The following HSPB8 variants were observed in gnomAD, a reference collection of about 807,000 sequenced individuals.
HSPB8 encodes the protein heat shock protein beta-8.
Under a neutral mutation model 16.5 loss-of-function variants are expected in HSPB8, and 9 were observed. The observed-to-expected ratio is 0.55, with a 90% CI of 0.33 to 0.95. HSPB8 has a LOEUF of 0.95. Ranked by LOEUF, HSPB8 falls within the 40% of genes least tolerant of loss-of-function variation. The pLI, the probability that HSPB8 is intolerant of heterozygous loss-of-function variation, is 0.03. For missense variants in HSPB8, 238 were observed against 251.2 expected, an observed-to-expected ratio of 0.95 and a Z score of 0.35; for synonymous variants, 99 against 94.8, an observed-to-expected ratio of 1.04 and a Z score of -0.26.
chr12:119,179,299 G>T lies in HSPB8; in HGVS notation c.-14G>T. The T allele has an allele frequency of 6.2e-7, 1 of 1,613,146 alleles. No individual in the cohort carries two copies. Among genetic ancestry groups the T allele is most frequent in the Non-Finnish European group, 8.5e-7 (1 of 1,179,966 alleles). ...TCTCTGAGCCTCTGTTTCTCTCTGA[G>T]CTGAGCAGCCACCATGGCTGACGGT... On this transcript the variant is annotated 5_prime_UTR_variant, in exon 1 of 3. Transcript: ENST00000281938.
chr12:119,192,945 A>G (rs573456121), intron 2 of HSPB8, among the ~76,000 whole-genome samples: 1 of 152,214 alleles, frequency 6.6e-6, no homozygotes, highest in East Asian at 1.9e-4. Context: ...TGAGAACAGT[A>G]TGGAGGAAAC....
intron 2 of HSPB8, among the ~76,000 whole-genome samples, chr12:119,191,115 G>C (rs1327006084): frequency 6.6e-6 from 1 of 152,188 alleles, no homozygotes; most frequent in Admixed American, 6.5e-5. Flanking sequence ...CCATCTTGCT[G>C]TCAAGATGCC....
At chr12:119,184,401 G>A (rs902120539) in intron 1 of HSPB8, among the ~76,000 whole-genome samples, 2 of 152,200 alleles carry the variant, frequency 1.3e-5, no homozygotes, top group African/African-American at 4.8e-5. Flanking sequence ...ACACCAGCAT[G>A]CAGGAGGATT....
At chr12:119,186,764 C>G in intron 1 of HSPB8, 1 of 487,960 alleles carries the variant, frequency 2.0e-6, no homozygotes, top group Non-Finnish European at 3.7e-6. Context: ...CTCAGACTAA[C>G]CCTTAATTAA....
chr12:119,194,397 A>G lies in HSPB8; in HGVS notation c.*539A>G. ...GAATTTATCCATCAACCACATAAAAACAAACAGTGCCTTCTGCCCTCTGCC... is the reference window on the plus strand; with the variant it reads ...GAATTTATCCATCAACCACATAAAAGCAAACAGTGCCTTCTGCCCTCTGCC... On this transcript the variant is annotated 3_prime_UTR_variant, in exon 3 of 3. Coordinates refer to ENST00000281938, the MANE Select transcript of HSPB8 (RefSeq NM_014365.3). 1 of 197,354 alleles carries G rather than the reference A, an allele frequency of 5.1e-6. No individual in the cohort carries two copies. Among genetic ancestry groups the G allele is most frequent in the Non-Finnish European group, 1.0e-5 (1 of 96,116 alleles). 12.2% of individuals were successfully genotyped at this position (197,354 alleles called of 1,614,324 possible).
intron 1 of HSPB8, among the ~76,000 whole-genome samples, chr12:119,181,292 A>G (rs1241162577): frequency 6.6e-6 from 1 of 152,188 alleles, no homozygotes; most frequent in Admixed American, 6.5e-5. Flanking sequence ...TTTTAGAGAG[A>G]CATGAGACAT....
At position 119,179,407 on chromosome 12, in the gene HSPB8, A is replaced by T; in HGVS notation, c.95A>T (p.Asp32Val). The T allele has an allele frequency of 6.2e-7, 1 of 1,614,010 alleles. No individual in the cohort carries two copies. The highest frequency in any genetic ancestry group is 8.5e-7 in the Non-Finnish European group (1 of 1,180,000). Reference sequence around the variant, plus strand: ...TCTCCCCTCTCCTCTCGCCTGCTGGATGATGGCTTTGGCATGGACCCCTTC... The same window carrying T: ...TCTCCCCTCTCCTCTCGCCTGCTGGTTGATGGCTTTGGCATGGACCCCTTC... ...RDSPLSSRLL[D>V]DGFGMDPFPD... is the part of the protein sequence containing the mutation. Residue 32 changes from aspartate (D) to valine (V), a missense_variant, in exon 1 of 3, where the codon GAT becomes GTT. Transcript: ENST00000281938.
intron 1 of HSPB8, 55 bp from the exon 2 acceptor site, chr12:119,186,970 T>C (rs1954679976): frequency 6.4e-7 from 1 of 1,564,508 alleles, no homozygotes. Flanking sequence ...GCCTCAGTCC[T>C]GAAGGATGCC....
chr12:119,179,097 T>A lies in HSPB8; in HGVS notation c.-216T>A. 1.6e-6 allele frequency: 1 copy of A among 626,024 alleles called. No individual in the cohort carries two copies. The highest frequency in any genetic ancestry group is 2.4e-5 in the Admixed American group (1 of 41,918). The allele number at this position is 626,024 out of a possible 1,614,324, so 38.8% of individuals were successfully genotyped here. ...GGACGGGGACCCTCTGGGATTCTGC[T>A]GGATCTGCCCCGGGGGTTACCTTTG... is the stretch of plus-strand genomic sequence containing the variant. On this transcript the variant is annotated 5_prime_UTR_variant, in exon 1 of 3. Transcript: ENST00000281938.
rs1427416227 is a variant in HSPB8, at chr12:119,179,677, C to A, written c.365C>A (p.Ser122Tyr). ...ACCAAAGATGGATACGTGGAGGTGT[C>A]TGGTAAGTCAGGGGCAGGAGGGAGA... is the stretch of plus-strand genomic sequence containing the variant. ...VKTKDGYVEV[S>Y]GKHEEKQQEG... The change falls in exon 1 of 3, where the codon TCT (serine) becomes TAT (tyrosine). Residue 122 changes from serine (S) to tyrosine (Y), a missense_variant and splice_region_variant. Coordinates refer to ENST00000281938, the MANE Select transcript of HSPB8 (RefSeq NM_014365.3). 6.3e-7 allele frequency: 1 copy of A among 1,576,414 alleles called. No homozygotes were observed. The highest frequency in any genetic ancestry group is 8.6e-7 in the Non-Finnish European group (1 of 1,163,078).
chr12:119,179,060 G>T lies in HSPB8; in HGVS notation c.-253G>T, dbSNP rs1954615623. ...GAGGACGGTGGCTTGCCGGTCTGTC[G>T]TGAGGCAGTGCGGACGGGGACCCTC... On this transcript the variant is annotated 5_prime_UTR_variant, in exon 1 of 3. Transcript: ENST00000281938. 1.8e-6 allele frequency: 1 copy of T among 569,382 alleles called. No homozygotes were observed. Among genetic ancestry groups the T allele is most frequent in the East Asian group, 3.1e-5 (1 of 32,420 alleles). 35.3% of individuals were successfully genotyped at this position (569,382 alleles called of 1,614,324 possible).
intron 1 of HSPB8, among the ~76,000 whole-genome samples, chr12:119,183,636 G>C (rs1001705126): frequency 6.6e-6 from 1 of 152,136 alleles, no homozygotes; most frequent in Non-Finnish European, 1.5e-5. Context: ...AAAATATGTA[G>C]TTAGGAAAGC....
Position 119,194,469 on chromosome 12 carries a change from A to C in HSPB8, c.*611A>C. On this transcript the variant is annotated 3_prime_UTR_variant, in exon 3 of 3. Transcript: ENST00000281938. ...CAAAGTTTCCACATTAGCACTCCCT[A>C]AGGACGCTGGGAGCCTGTCAGTTTA... is the stretch of plus-strand genomic sequence containing the variant. 6.2e-6 allele frequency: 1 copy of C among 161,672 alleles called. No homozygotes were observed. Among genetic ancestry groups the C allele is most frequent in the Non-Finnish European group, 1.3e-5 (1 of 74,300 alleles). The allele number at this position is 161,672 out of a possible 1,614,324, so 10.0% of individuals were successfully genotyped here.
At position 119,194,349 on chromosome 12, in the gene HSPB8, T is replaced by C. The variant is rs1330373645; in HGVS notation, c.*491T>C. On this transcript the variant is annotated 3_prime_UTR_variant, in exon 3 of 3. Transcript: ENST00000281938. ...CATGCCTGGCCTAAAATGGGTGATA[T>C]ACAGGTCTTATATCCCCATATGGAA... 3 of 240,628 alleles carry C rather than the reference T, an allele frequency of 1.2e-5. No homozygotes were observed. The highest frequency in any genetic ancestry group is 2.4e-5 in the Non-Finnish European group (3 of 122,868). 14.9% of individuals were successfully genotyped at this position (240,628 alleles called of 1,614,324 possible). A position where few individuals can be genotyped will look rare whatever the true frequency, so the allele number is the denominator to read the frequency against.
rs141841972 is a variant in HSPB8 at position 119,185,387 on chromosome 12, G to T, written c.368-1638G>T. 3.2e-3 allele frequency among the ~76,000 whole-genome samples: 490 copies of T among 152,076 alleles called. 2 individuals carry two copies. The highest frequency in any genetic ancestry group is 0.011 in the African/African-American group (469 of 41,506). Reference sequence around the variant, plus strand: ...TCTCACCCTTTTGCTGGGCTGGAGCGCAGTGGCGCGATCTCGCCTCACTGC... The same window carrying T: ...TCTCACCCTTTTGCTGGGCTGGAGCTCAGTGGCGCGATCTCGCCTCACTGC... On this transcript the variant is annotated intron_variant, in intron 1 of 2. Coordinates refer to ENST00000281938, the MANE Select transcript of HSPB8 (RefSeq NM_014365.3).
rs1465702278 is a variant in HSPB8, at chr12:119,179,135, C to G, written c.-178C>G. 3 of 696,298 alleles carry G rather than the reference C, an allele frequency of 4.3e-6. No individual in the cohort carries two copies. Among genetic ancestry groups the G allele is most frequent in the Non-Finnish European group, 7.6e-6 (3 of 393,608 alleles). The allele number at this position is 696,298 out of a possible 1,614,324, so 43.1% of individuals were successfully genotyped here. Reference sequence around the variant, plus strand: ...GGGGTTACCTTTGGGGGCTGGGACCCCAGTCGAGGGGACACAACCGTCCCT... The same window carrying G: ...GGGGTTACCTTTGGGGGCTGGGACCGCAGTCGAGGGGACACAACCGTCCCT... On this transcript the variant is annotated 5_prime_UTR_variant, in exon 1 of 3. Transcript: ENST00000281938.
intron 2 of HSPB8, among the ~76,000 whole-genome samples, chr12:119,187,353 A>G (rs545093877): frequency 1.6e-4 from 24 of 151,888 alleles, no homozygotes; most frequent in Non-Finnish European, 3.2e-4. Flanking sequence ...TTATTTATTT[A>G]TTATTTATTT....
chr12:119,180,976 G>A (rs1239367433), intron 1 of HSPB8, among the ~76,000 whole-genome samples: 5 of 152,168 alleles, frequency 3.3e-5, no homozygotes, highest in Non-Finnish European at 4.4e-5. Context: ...TGGGGAGCAG[G>A]GCATGAGTTC....
intron 1 of HSPB8, among the ~76,000 whole-genome samples, chr12:119,180,896 G>C (rs1336483619): frequency 6.6e-6 from 1 of 152,156 alleles, no homozygotes; most frequent in Non-Finnish European, 1.5e-5. Context: ...GGCTCCAGCG[G>C]GTGTGGTGGG....
Sources: gnomAD v4.1 joint callset for allele counts (sites outside exome capture counted in the v4.1 genomes callset) on GRCh38, gnomAD v4.1.1 for gene constraint, MANE v1.5 for transcripts, NCBI Gene and HGNC (gene_info 2026-07-23, HGNC 2026-07-21) for gene names.